The following ZSWIM6 variants were observed in gnomAD, a reference collection of about 807,000 sequenced individuals.
ZSWIM6 encodes the protein zinc finger SWIM-type containing 6, also known as zinc finger SWIM domain-containing protein 6.
In ZSWIM6, 9 loss-of-function variants were observed where a neutral mutation model predicts 113.2. The ratio of observed to expected loss-of-function variants is 0.08; its 90% CI spans 0.05 to 0.14. The LOEUF (loss-of-function observed/expected upper bound fraction) is 0.14, where lower values mean the gene tolerates loss of function less well. ZSWIM6 is among the 10% of genes least tolerant of loss of function. The probability of loss-of-function intolerance (pLI) is 1.00; values close to 1 mark genes in which losing one functional copy is unlikely to be tolerated. For synonymous variants in ZSWIM6, 611 were observed against 606.5 expected (o/e 1.01, Z -0.11); for missense variants, 1,162 against 1,552.2 (o/e 0.75, Z 4.22).
At chr5:61,367,322 T>TA (rs963266588) in intron 1 of ZSWIM6, among the ~76,000 whole-genome samples, 1 of 152,176 alleles carries the variant, frequency 6.6e-6, no homozygotes, top group African/African-American at 2.4e-5. Context: ...GTGGTGCAGT[T>TA]ATAGCTCACT....
At chr5:61,519,841 G>A (rs939285647) in intron 4 of ZSWIM6, among the ~76,000 whole-genome samples, 5 of 152,080 alleles carry the variant, frequency 3.3e-5, no homozygotes, top group African/African-American at 9.7e-5. Flanking sequence ...GGATGCTTTC[G>A]GGATGAAACT....
intron 8 of ZSWIM6, 48 bp downstream of exon 8, chr5:61,530,246 T>C: frequency 6.6e-7 from 1 of 1,504,076 alleles, no homozygotes; most frequent in Non-Finnish European, 9.0e-7. Flanking sequence ...TTCTAAACCC[T>C]GAATGGCAGT....
chr5:61,545,309 CA>C lies in ZSWIM6; in HGVS notation c.*993del, dbSNP rs1749857815. 1 of 151,744 alleles carries C rather than the reference CA, an allele frequency of 6.6e-6. No individual in the cohort carries two copies. The highest frequency in any genetic ancestry group is 6.6e-5 in the Admixed American group (1 of 15,216). 9.4% of individuals were successfully genotyped at this position (151,744 alleles called of 1,614,324 possible). On this transcript the variant is annotated 3_prime_UTR_variant, in exon 14 of 14. Transcript: ENST00000252744. ...GACACACACACACACCACCAACAAC[CA>C]CCACTACACCACACATGCTTATAAC...
chr5:61,419,532 A>G (rs1746315253), intron 1 of ZSWIM6, among the ~76,000 whole-genome samples: 1 of 152,216 alleles, frequency 6.6e-6, no homozygotes, highest in Admixed American at 6.5e-5. Context: ...ACATGTGGCT[A>G]TTTAGATTTA....
At chr5:61,449,426 T>G (rs1004203910) in intron 1 of ZSWIM6, among the ~76,000 whole-genome samples, 1 of 152,188 alleles carries the variant, frequency 6.6e-6, no homozygotes, top group African/African-American at 2.4e-5. Flanking sequence ...GATGGGGTCT[T>G]ACCATGTTGC....
intron 1 of ZSWIM6, among the ~76,000 whole-genome samples, chr5:61,392,718 T>C (rs1219270335): frequency 6.6e-6 from 1 of 152,122 alleles, no homozygotes; most frequent in Non-Finnish European, 1.5e-5. Context: ...ATTCAAGTGA[T>C]TCTCCTGCCT....
intron 1 of ZSWIM6, among the ~76,000 whole-genome samples, chr5:61,463,559 G>A (rs992972228): frequency 5.3e-5 from 8 of 152,158 alleles, no homozygotes; most frequent in Admixed American, 1.3e-4. Flanking sequence ...GAGAACCACC[G>A]ATCTATATGT....
At chr5:61,506,141 C>T (rs1748613515) in intron 4 of ZSWIM6, among the ~76,000 whole-genome samples, 1 of 152,134 alleles carries the variant, frequency 6.6e-6, no homozygotes, top group African/African-American at 2.4e-5. Flanking sequence ...TGCCATTTAG[C>T]TAACAGTTTT....
chr5:61,493,286 G>A (rs919053408), intron 3 of ZSWIM6, among the ~76,000 whole-genome samples: 10 of 152,158 alleles, frequency 6.6e-5, no homozygotes, highest in South Asian at 2.1e-4. Context: ...GAAGTATGCT[G>A]CTGCTCTTTA....
chr5:61,355,379 C>T (rs994991783), intron 1 of ZSWIM6, among the ~76,000 whole-genome samples: 1 of 148,396 alleles, frequency 6.7e-6, no homozygotes, highest in Non-Finnish European at 1.5e-5. Flanking sequence ...ATTGATGTAG[C>T]TAAGTGATGT....
chr5:61,336,892 G>C (rs913524000), intron 1 of ZSWIM6, among the ~76,000 whole-genome samples: 2 of 152,256 alleles, frequency 1.3e-5, no homozygotes, highest in African/African-American at 4.8e-5. Context: ...GTCAAGAAGA[G>C]AGATGGATAA....
chr5:61,467,698 A>C (rs1376274754), intron 1 of ZSWIM6, among the ~76,000 whole-genome samples: 1 of 152,356 alleles, frequency 6.6e-6, no homozygotes, highest in East Asian at 1.9e-4. Context: ...TCTCTGTATG[A>C]AAGTAACACT....
chr5:61,473,521 T>A (rs1310602306), intron 2 of ZSWIM6, among the ~76,000 whole-genome samples: 1 of 152,176 alleles, frequency 6.6e-6, no homozygotes, highest in Non-Finnish European at 1.5e-5. Flanking sequence ...TATAAGAAAA[T>A]ACAAAAAGTT....
At chr5:61,483,461 G>GT (rs1747929860) in intron 2 of ZSWIM6, among the ~76,000 whole-genome samples, 1 of 152,132 alleles carries the variant, frequency 6.6e-6, no homozygotes, top group South Asian at 2.1e-4. Context: ...CATAATTGAT[G>GT]TATTTATACA....
chr5:61,363,482 G>A (rs1381903440), intron 1 of ZSWIM6, among the ~76,000 whole-genome samples: 2 of 152,124 alleles, frequency 1.3e-5, no homozygotes, highest in Non-Finnish European at 2.9e-5. Context: ...CTTGTTCTCG[G>A]CAATCTCATC....
chr5:61,460,916 C>G (rs1436336344), intron 1 of ZSWIM6, among the ~76,000 whole-genome samples: 2 of 151,258 alleles, frequency 1.3e-5, no homozygotes, highest in East Asian at 1.9e-4. Context: ...ATAGATAAAC[C>G]CTACCTATAT....
At chr5:61,334,504 TTTC>T (rs753935084) in intron 1 of ZSWIM6, among the ~76,000 whole-genome samples, 1 of 152,250 alleles carries the variant, frequency 6.6e-6, no homozygotes, top group East Asian at 1.9e-4. Context: ...TTATCCTTCT[TTTC>T]TTTGGAAGTG....
At chr5:61,446,795 CAT>C in intron 1 of ZSWIM6, among the ~76,000 whole-genome samples, 2 of 152,224 alleles carry the variant, frequency 1.3e-5, no homozygotes, top group South Asian at 4.1e-4. Context: ...GTAGACAAAA[CAT>C]AATAACATAA....
chr5:61,541,824 C>T lies in ZSWIM6; in HGVS notation c.2704-60C>T, dbSNP rs879351157. ...TATATGCCTTATAGTTTATCCCCCC[C>T]CTTTTTTTTCATTGACTCAGGATAA... On this transcript the variant is annotated intron_variant, in intron 12 of 13. Coordinates refer to ENST00000252744, the MANE Select transcript of ZSWIM6 (RefSeq NM_020928.2). The T allele has an allele frequency of 1.2e-5, 17 of 1,391,684 alleles. No individual in the cohort carries two copies. The South Asian group carries it at 1.3e-4, about 10-fold the overall frequency. The allele number at this position is 1,391,684 out of a possible 1,614,324, so 86.2% of individuals were successfully genotyped here.
Sources: allele counts gnomAD v4.1 joint callset (sites outside exome capture counted in the v4.1 genomes callset), GRCh38; gene constraint gnomAD v4.1.1; transcripts MANE v1.5; gene names NCBI Gene and HGNC (gene_info 2026-07-23, HGNC 2026-07-21).